The following FGGY variants were observed in gnomAD, a reference collection of about 807,000 sequenced individuals.
The protein encoded by FGGY is FGGY carbohydrate kinase domain-containing protein.
A neutral mutation model predicts 71.3 loss-of-function variants in FGGY; 72 were observed. The observed-to-expected ratio is 1.01, with a 90% CI of 0.84 to 1.23. The LOEUF (loss-of-function observed/expected upper bound fraction) is 1.23. Ranked by LOEUF, FGGY falls within the 50% of genes most tolerant of loss-of-function variation. FGGY has a pLI of 0.00. For missense variants in FGGY, 668 were observed against 682.3 expected, an observed-to-expected ratio of 0.98 and a Z score of 0.23; for synonymous variants, 251 against 250.3, an observed-to-expected ratio of 1.00 and a Z score of -0.02.
intron 5 of FGGY, among the ~76,000 whole-genome samples, chr1:59,411,037 A>G (rs2063532229): frequency 6.6e-6 from 1 of 152,156 alleles, no homozygotes; most frequent in South Asian, 2.1e-4. Context: ...ACATAATACT[A>G]TTACTCAGTC....
intron 14 of FGGY, among the ~76,000 whole-genome samples, chr1:59,699,761 C>CT (rs1221916896): frequency 1.3e-5 from 2 of 152,182 alleles, no homozygotes; most frequent in Admixed American, 1.3e-4. Context: ...TTATTTGCAA[C>CT]AGTTTGCCTG....
At chr1:59,334,440 G>A (rs761129201) in intron 2 of FGGY, among the ~76,000 whole-genome samples, 25 of 152,042 alleles carry the variant, frequency 1.6e-4, no homozygotes, top group Non-Finnish European at 1.8e-4. Context: ...CATTGCACCC[G>A]GCCCCCACTT....
chr1:59,532,619 T>G (rs1428121551), intron 7 of FGGY, among the ~76,000 whole-genome samples: 2 of 152,218 alleles, frequency 1.3e-5, no homozygotes, highest in Non-Finnish European at 2.9e-5. Context: ...ATTCATGATT[T>G]TTTTAAAAAT....
chr1:59,525,331 G>A (rs2094947726), intron 7 of FGGY, among the ~76,000 whole-genome samples: 2 of 152,164 alleles, frequency 1.3e-5, no homozygotes, highest in Admixed American at 1.3e-4. Context: ...GCTGGGCCAA[G>A]TGGGTGGAAT....
intron 8 of FGGY, among the ~76,000 whole-genome samples, chr1:59,605,683 TC>T (rs1259162201): frequency 1.3e-5 from 2 of 151,928 alleles, no homozygotes; most frequent in Non-Finnish European, 1.5e-5. Context: ...TTGCCTTCCT[TC>T]CCCCCCTTCC....
intron 8 of FGGY, among the ~76,000 whole-genome samples, chr1:59,601,327 C>T (rs2096575835): frequency 6.6e-6 from 1 of 152,182 alleles, no homozygotes; most frequent in Non-Finnish European, 1.5e-5. Context: ...TCATCTCTCC[C>T]AGAAGAGGTG....
chr1:59,551,217 C>T (rs1217627017), intron 7 of FGGY, among the ~76,000 whole-genome samples: 1 of 152,088 alleles, frequency 6.6e-6, no homozygotes, highest in Non-Finnish European at 1.5e-5. Context: ...TGTGATTTTC[C>T]TCATTTTATA....
At chr1:59,583,786 C>G (rs756696172) in intron 8 of FGGY, among the ~76,000 whole-genome samples, 2 of 142,098 alleles carry the variant, frequency 1.4e-5, no homozygotes, top group Non-Finnish European at 3.0e-5. Flanking sequence ...CACATCTAAG[C>G]CAAAGATGTC....
intron 4 of FGGY, among the ~76,000 whole-genome samples, chr1:59,368,880 A>C (rs2057036820): frequency 6.6e-6 from 1 of 152,026 alleles, no homozygotes; most frequent in Non-Finnish European, 1.5e-5. Context: ...TCACAAGGTC[A>C]GGAGTTCACG....
intron 6 of FGGY, among the ~76,000 whole-genome samples, chr1:59,507,476 T>C (rs2094416106): frequency 1.3e-5 from 2 of 152,178 alleles, no homozygotes; most frequent in African/African-American, 4.8e-5. Flanking sequence ...TAAAAATTAT[T>C]CCCCAAGCTT....
At chr1:59,611,878 C>T (rs1413053364) in intron 9 of FGGY, among the ~76,000 whole-genome samples, 1 of 152,102 alleles carries the variant, frequency 6.6e-6, no homozygotes, top group Non-Finnish European at 1.5e-5. Flanking sequence ...CCGATTTGAT[C>T]AACTGGAAGA....
In FGGY at chr1:59,538,571, A is replaced by G. The variant is rs557627224; in HGVS notation, c.800-15553A>G. ...TATGTTTATTGTGGCATTATTCACA[A>G]TAGCAAAGACTTGGAACCAACCCAA... On this transcript the variant is annotated intron_variant, in intron 7 of 15. Coordinates refer to ENST00000303721, the MANE Select transcript of FGGY (RefSeq NM_018291.5). Among the ~76,000 whole-genome samples, 174 of 146,894 alleles carry G rather than the reference A, an allele frequency of 1.2e-3. 8 individuals carry two copies. Among genetic ancestry groups the G allele is most frequent in the African/African-American group, 4.5e-3 (168 of 37,650 alleles).
chr1:59,644,108 T>C (rs2097065194), intron 11 of FGGY, among the ~76,000 whole-genome samples: 1 of 152,172 alleles, frequency 6.6e-6, no homozygotes, highest in South Asian at 2.1e-4. Context: ...CCATGGTCTT[T>C]GGATTTAAAC....
intron 1 of FGGY, among the ~76,000 whole-genome samples, chr1:59,316,565 G>T (rs1156332242): frequency 6.6e-6 from 1 of 152,114 alleles, no homozygotes; most frequent in Admixed American, 6.5e-5. Flanking sequence ...TGAGCAGTTT[G>T]CACATTTGTT....
chr1:59,753,744 T>G (rs944463735), intron 14 of FGGY, among the ~76,000 whole-genome samples: 1 of 151,860 alleles, frequency 6.6e-6, no homozygotes, highest in African/African-American at 2.4e-5. Context: ...AAACAAAAAA[T>G]TATGTAGCAC....
intron 6 of FGGY, among the ~76,000 whole-genome samples, chr1:59,468,703 T>G (rs1422636362): frequency 1.3e-5 from 2 of 151,898 alleles, no homozygotes; most frequent in African/African-American, 4.8e-5. Context: ...AAACCCTGTC[T>G]TTATTAAAAA....
rs372741550 is a variant in FGGY, at chr1:59,722,795, T to C, written c.1513-35136T>C. Reference sequence around the variant, plus strand: ...CTCCAAAGAGTCTGATTCTTTTTTTTGTTTTGTTTTGTTTTGTCTGTGTGA... The same window carrying C: ...CTCCAAAGAGTCTGATTCTTTTTTTCGTTTTGTTTTGTTTTGTCTGTGTGA... On this transcript the variant is annotated intron_variant, in intron 14 of 15. Coordinates refer to ENST00000303721, the MANE Select transcript of FGGY (RefSeq NM_018291.5). Among the ~76,000 whole-genome samples the C allele has an allele frequency of 1.1e-4, 16 of 152,304 alleles. 2 individuals carry two copies. Among genetic ancestry groups the C allele is most frequent in the Admixed American group, 5.9e-4 (9 of 15,302 alleles).
At chr1:59,641,319 T>C (rs776276761) in intron 11 of FGGY, 1 of 1,605,494 alleles carries the variant, frequency 6.2e-7, no homozygotes. Context: ...TTTGGCAGCG[T>C]TGCACTCTCC....
Position 59,609,050 on chromosome 1 carries a change from G to C in FGGY, c.1011+1140G>C, listed in dbSNP as rs1354706890. Among the ~76,000 whole-genome samples, 3 of 152,170 alleles carry C rather than the reference G, an allele frequency of 2.0e-5. No individual in the cohort carries two copies. In the East Asian group the frequency reaches 5.8e-4, roughly 29 times the overall value. ...TAGGAAACTCTTTACAGGGGAGAAG[G>C]CATTGGTGCTGAGCCTTAAAAGATA... On this transcript the variant is annotated intron_variant, in intron 9 of 15. Transcript: ENST00000303721.
Sources: gnomAD v4.1 joint callset for allele counts (sites outside exome capture counted in the v4.1 genomes callset) on GRCh38, gnomAD v4.1.1 for gene constraint, MANE v1.5 for transcripts, NCBI Gene and HGNC (gene_info 2026-07-23, HGNC 2026-07-21) for gene names.